ADORA2B: variants seen among roughly 807,000 people sequenced by gnomAD.
ADORA2B encodes adenosine A2b receptor.
A neutral mutation model predicts 20.8 loss-of-function variants in ADORA2B; 18 were observed. The ratio of observed to expected loss-of-function variants is 0.87; its 90% CI spans 0.60 to 1.29. The LOEUF is 1.29. ADORA2B is among the 50% of genes most tolerant of loss of function. ADORA2B has a pLI of 0.00. For synonymous variants in ADORA2B, 179 were observed against 178.3 expected, an observed-to-expected ratio of 1.00 and a Z score of -0.03; for missense variants, 441 against 422.7, an observed-to-expected ratio of 1.04 and a Z score of -0.38.
intron 1 of ADORA2B, among the ~76,000 whole-genome samples, chr17:15,957,727 C>T (rs906129555): frequency 6.6e-6 from 1 of 152,040 alleles, no homozygotes; most frequent in Non-Finnish European, 1.5e-5. Context: ...AGCCCTGGAC[C>T]GTTCATTATT....
Position 15,974,528 on chromosome 17 carries a change from G to T in ADORA2B, c.336-151G>T, listed in dbSNP as rs939343666. 7 of 631,212 alleles carry T rather than the reference G, an allele frequency of 1.1e-5. No individual in the cohort carries two copies. In the East Asian group the frequency reaches 1.9e-4, roughly 17 times the overall value. 39.1% of individuals were successfully genotyped at this position (631,212 alleles called of 1,614,324 possible). A position where few individuals can be genotyped will look rare whatever the true frequency, so the allele number is the denominator to read the frequency against. ...CAAAGCTGCTCATCCCTGCTTGCAT[G>T]TCTTTAGTATTGAGGGTAAAGGCCT... On this transcript the variant is annotated intron_variant, in intron 1 of 1. Coordinates refer to ENST00000304222, the MANE Select transcript of ADORA2B (RefSeq NM_000676.4).
At chr17:15,887,518 C>T in the ADORA2B span, among the ~76,000 whole-genome samples, 4 of 130,814 alleles carry the variant, frequency 3.1e-5, no homozygotes, top group South Asian at 2.3e-4. Flanking sequence ...CCCCTTCACA[C>T]GTCATTCTGC....
At chr17:15,959,710 AGG>A (rs1970012504) in intron 1 of ADORA2B, among the ~76,000 whole-genome samples, 1 of 152,168 alleles carries the variant, frequency 6.6e-6, no homozygotes, top group African/African-American at 2.4e-5. Flanking sequence ...CATGTTGGCC[AGG>A]CTGGTCGTGA....
intron 1 of ADORA2B, among the ~76,000 whole-genome samples, chr17:15,953,007 C>G (rs1016129628): frequency 6.6e-6 from 1 of 152,180 alleles, no homozygotes; most frequent in Admixed American, 6.5e-5. Context: ...GTCCCAGGCA[C>G]GGGCGGGCAG....
the ADORA2B span, among the ~76,000 whole-genome samples, chr17:15,906,177 G>C: frequency 6.6e-6 from 1 of 152,148 alleles, no homozygotes; most frequent in Non-Finnish European, 1.5e-5. Context: ...AGCCATCCTG[G>C]CCTTGTTCCT....
the ADORA2B span, among the ~76,000 whole-genome samples, chr17:15,886,625 G>A: frequency 7.6e-6 from 1 of 130,816 alleles, no homozygotes; most frequent in Admixed American, 7.5e-5. Context: ...GCATAGCTGT[G>A]ACCTTTTTTA....
intron 1 of ADORA2B, among the ~76,000 whole-genome samples, chr17:15,953,178 C>T (rs1475832565): frequency 1.3e-5 from 2 of 152,078 alleles, no homozygotes; most frequent in South Asian, 2.1e-4. Flanking sequence ...GCTTCGCACC[C>T]GTGAGTGGGC....
At chr17:15,919,616 C>A in the ADORA2B span, among the ~76,000 whole-genome samples, 1 of 152,118 alleles carries the variant, frequency 6.6e-6, no homozygotes, top group Non-Finnish European at 1.5e-5. Context: ...CCTGGCACCA[C>A]CTCCTCAGCA....
At position 15,956,322 on chromosome 17, in the gene ADORA2B, G is replaced by A. The variant is rs114126301; in HGVS notation, c.335+10739G>A. Among the ~76,000 whole-genome samples the A allele has an allele frequency of 9.1e-3, 1,387 of 152,256 alleles. 27 individuals are homozygous for A. Among genetic ancestry groups the A allele is most frequent in the African/African-American group, 0.031 (1,300 of 41,538 alleles). On this transcript the variant is annotated intron_variant, in intron 1 of 1. Coordinates refer to ENST00000304222, the MANE Select transcript of ADORA2B (RefSeq NM_000676.4). ...GGTCTCTAGCCACAGCTTGGGGAGA[G>A]TGTGGGAGGGGGAGGGGATCAATGC...
the ADORA2B span, among the ~76,000 whole-genome samples, chr17:15,923,565 C>T: frequency 1.3e-5 from 2 of 151,622 alleles, no homozygotes; most frequent in African/African-American, 2.4e-5. Flanking sequence ...CCACCACGCC[C>T]GACTAATTTT....
At chr17:15,854,778 A>T in the ADORA2B span, among the ~76,000 whole-genome samples, 1 of 152,200 alleles carries the variant, frequency 6.6e-6, no homozygotes, top group Admixed American at 6.5e-5. Flanking sequence ...ATGTACCAGG[A>T]TATTCGTTTC....
At chr17:15,952,009 A>C (rs1275351458) in intron 1 of ADORA2B, among the ~76,000 whole-genome samples, 1 of 152,246 alleles carries the variant, frequency 6.6e-6, no homozygotes, top group Non-Finnish European at 1.5e-5. Context: ...ACAGCCAGGG[A>C]AACACCGCCT....
chr17:15,950,134 G>A (rs1567777257), intron 1 of ADORA2B, among the ~76,000 whole-genome samples: 1 of 152,174 alleles, frequency 6.6e-6, no homozygotes, highest in Admixed American at 6.5e-5. Flanking sequence ...TTGAGAGAAG[G>A]AGCTTATTTG....
chr17:15,923,206 A>ATTTTTTTTTTTTTTTTT, the ADORA2B span, among the ~76,000 whole-genome samples: 49 of 113,488 alleles, frequency 4.3e-4, no homozygotes, highest in African/African-American at 5.4e-4. Context: ...TCTTTTTTTA[A>ATTTTTTTTTTTTTTTTT]TTTTTTTTTT....
intron 1 of ADORA2B, among the ~76,000 whole-genome samples, chr17:15,948,780 T>C (rs1969852638): frequency 6.6e-6 from 1 of 152,186 alleles, no homozygotes; most frequent in Non-Finnish European, 1.5e-5. Flanking sequence ...CTCTCTGCTC[T>C]TGCCACATTG....
chr17:15,929,397 T>C, the ADORA2B span, among the ~76,000 whole-genome samples: 1 of 152,174 alleles, frequency 6.6e-6, no homozygotes, highest in African/African-American at 2.4e-5. Context: ...GACTCCAAGA[T>C]GTGCTGAGGC....
At chr17:15,869,917 A>G in the ADORA2B span, among the ~76,000 whole-genome samples, 1 of 152,256 alleles carries the variant, frequency 6.6e-6, no homozygotes, top group South Asian at 2.1e-4. Flanking sequence ...TTTTATAAAG[A>G]TAATAAAAGT....
the ADORA2B span, among the ~76,000 whole-genome samples, chr17:15,916,244 G>A: frequency 6.6e-6 from 1 of 152,214 alleles, no homozygotes; most frequent in Non-Finnish European, 1.5e-5. Context: ...TCCCAAACAA[G>A]TCAACCTTCC....
At chr17:15,881,307 T>G in the ADORA2B span, among the ~76,000 whole-genome samples, 211 of 152,298 alleles carry the variant, frequency 1.4e-3, no homozygotes, top group African/African-American at 5.0e-3. Context: ...TTCACTGTGT[T>G]AGCCAGGATG....
Sources: allele counts gnomAD v4.1 joint callset (sites outside exome capture counted in the v4.1 genomes callset), GRCh38; gene constraint gnomAD v4.1.1; transcripts MANE v1.5; gene names NCBI Gene and HGNC (gene_info 2026-07-23, HGNC 2026-07-21).